Variants in LARP4B observed in about 807,000 individuals in gnomAD.
The protein encoded by LARP4B is La ribonucleoprotein 4B.
In LARP4B, 12 loss-of-function variants were observed where a neutral mutation model predicts 89.8. The ratio of observed to expected loss-of-function variants is 0.13; its 90% confidence interval spans 0.09 to 0.22. LARP4B has a LOEUF of 0.22. LARP4B is among the 10% of genes least tolerant of loss of function. The probability of loss-of-function intolerance (pLI) is 1.00; values close to 1 mark genes in which losing one functional copy is unlikely to be tolerated. For synonymous variants in LARP4B, 367 were observed against 363.3 expected (o/e 1.01, Z -0.12); for missense variants, 757 against 947.7 (o/e 0.80, Z 2.64).
chr10:818,223 C>A, intron 14 of LARP4B: 1 of 204,142 alleles, frequency 4.9e-6, no homozygotes, highest in Non-Finnish European at 9.8e-6. Flanking sequence ...TGGAGTGACT[C>A]CAGCCCACCA....
chr10:965,348 G>A, the LARP4B span, among the ~76,000 whole-genome samples: 3 of 152,194 alleles, frequency 2.0e-5, no homozygotes, highest in Non-Finnish European at 4.4e-5. Context: ...TGGACTCTGA[G>A]GCCCCCAAGG....
At chr10:836,728 A>C (rs1833240832) in intron 7 of LARP4B, among the ~76,000 whole-genome samples, 1 of 152,232 alleles carries the variant, frequency 6.6e-6, no homozygotes, top group African/African-American at 2.4e-5. Context: ...CAAAGGTTCT[A>C]AACAGCTCAA....
At chr10:856,571 T>G (rs1380276691) in intron 5 of LARP4B, among the ~76,000 whole-genome samples, 7 of 152,178 alleles carry the variant, frequency 4.6e-5, no homozygotes, top group Non-Finnish European at 1.0e-4. Flanking sequence ...CAGAAAACAC[T>G]GTCCTGGAAC....
chr10:986,164 A>G, the LARP4B span: 4 of 152,238 alleles, frequency 2.6e-5, no homozygotes, highest in Admixed American at 1.3e-4. Flanking sequence ...GGTAAAACAG[A>G]AAAGACCAAA....
intron 15 of LARP4B, among the ~76,000 whole-genome samples, chr10:816,564 T>C (rs1031814796): frequency 1.3e-5 from 2 of 152,190 alleles, no homozygotes; most frequent in East Asian, 3.9e-4. Flanking sequence ...GGAGCTGCTG[T>C]TTCTGAAGCA....
At chr10:917,696 T>TG (rs1836860756) in intron 1 of LARP4B, among the ~76,000 whole-genome samples, 1 of 152,258 alleles carries the variant, frequency 6.6e-6, no homozygotes, top group African/African-American at 2.4e-5. Context: ...CCAATTCATG[T>TG]AAGTATTACC....
intron 1 of LARP4B, among the ~76,000 whole-genome samples, chr10:923,336 G>A (rs1837040084): frequency 6.6e-6 from 1 of 152,080 alleles, no homozygotes; most frequent in Non-Finnish European, 1.5e-5. Flanking sequence ...GAAATCCATT[G>A]GGGTTTCCCG....
intron 3 of LARP4B, among the ~76,000 whole-genome samples, chr10:877,057 G>C (rs982766187): frequency 1.3e-5 from 2 of 152,188 alleles, no homozygotes; most frequent in African/African-American, 4.8e-5. Flanking sequence ...GCAGAGGTCC[G>C]AGGCGGCTCT....
the LARP4B span, among the ~76,000 whole-genome samples, chr10:981,846 A>T: frequency 6.6e-6 from 1 of 152,060 alleles, no homozygotes; most frequent in African/African-American, 2.4e-5. Context: ...GATTACAGGC[A>T]TGAGCCACCG....
chr10:880,324 G>T lies in LARP4B; in HGVS notation c.141+4123C>A, dbSNP rs146728063. On this transcript the variant is annotated intron_variant, in intron 3 of 17. Transcript: ENST00000316157. Reference sequence around the variant, plus strand: ...GCTGTGTCATCAAAAGGCAAAGGTGGTTTTTTGAAAACTGATAAAGGAAGG... The same window carrying T: ...GCTGTGTCATCAAAAGGCAAAGGTGTTTTTTTGAAAACTGATAAAGGAAGG... Among the ~76,000 whole-genome samples, 525 of 152,160 alleles carry T rather than the reference G, an allele frequency of 3.5e-3. 2 individuals carry two copies. The highest frequency in any genetic ancestry group is 0.012 in the African/African-American group (480 of 41,512).
intron 11 of LARP4B, among the ~76,000 whole-genome samples, chr10:826,091 G>A (rs758420230): frequency 2.0e-5 from 3 of 152,214 alleles, no homozygotes; most frequent in Admixed American, 6.5e-5. Flanking sequence ...ACAATCCAGC[G>A]AGGAGAACTG....
At chr10:987,482 C>T in the LARP4B span, 14 of 152,392 alleles carry the variant, frequency 9.2e-5, no homozygotes, top group African/African-American at 3.4e-4. Context: ...AAGCCCACCT[C>T]TGCTGCCTGT....
chr10:817,036 A>G (rs1832099508), intron 15 of LARP4B, among the ~76,000 whole-genome samples: 1 of 152,164 alleles, frequency 6.6e-6, no homozygotes, highest in African/African-American at 2.4e-5. Flanking sequence ...GGCAACCTGG[A>G]GTGCTCAGCA....
At chr10:827,091 T>A (rs528887128) in intron 11 of LARP4B, among the ~76,000 whole-genome samples, 4 of 152,074 alleles carry the variant, frequency 2.6e-5, no homozygotes, top group African/African-American at 4.8e-5. Context: ...CTGGCTAACA[T>A]GGTGAAACCC....
At chr10:832,166 C>T (rs989169564) in intron 8 of LARP4B, among the ~76,000 whole-genome samples, 2 of 152,218 alleles carry the variant, frequency 1.3e-5, no homozygotes, top group Non-Finnish European at 2.9e-5. Context: ...GCCTCAGCCT[C>T]CCAAGTAGCT....
intron 1 of LARP4B, among the ~76,000 whole-genome samples, chr10:907,161 C>T (rs118031362): frequency 7.2e-5 from 11 of 152,270 alleles, no homozygotes; most frequent in Non-Finnish European, 1.0e-4. Context: ...TTTTATCACT[C>T]GGAGGTCAGA....
chr10:958,722 A>G, the LARP4B span, among the ~76,000 whole-genome samples: 1 of 152,166 alleles, frequency 6.6e-6, no homozygotes, highest in South Asian at 2.1e-4. Context: ...TGCTGACCTC[A>G]TCCAAGTCTC....
At chr10:826,652 G>A (rs1036197371) in intron 11 of LARP4B, among the ~76,000 whole-genome samples, 2 of 152,082 alleles carry the variant, frequency 1.3e-5, no homozygotes, top group Admixed American at 6.6e-5. Flanking sequence ...CTGGCTTCTG[G>A]ACCCATGGTT....
intron 3 of LARP4B, among the ~76,000 whole-genome samples, chr10:865,726 A>C (rs1834866385): frequency 6.6e-6 from 1 of 152,266 alleles, no homozygotes; most frequent in Admixed American, 6.5e-5. Context: ...AAGAAAAGTC[A>C]AATGTCCAAA....
Sources: allele counts gnomAD v4.1 joint callset (sites outside exome capture counted in the v4.1 genomes callset), GRCh38; gene constraint gnomAD v4.1.1; transcripts MANE v1.5; gene names NCBI Gene and HGNC (gene_info 2026-07-23, HGNC 2026-07-21).